The following PKNOX2 variants were observed in gnomAD, a reference collection of about 807,000 sequenced individuals.
PKNOX2 encodes homeobox protein PKNOX2.
Under a neutral mutation model 53.1 loss-of-function variants are expected in PKNOX2, and 14 were observed. The observed-to-expected ratio is 0.26, with a 90% CI of 0.17 to 0.41. PKNOX2 has a LOEUF of 0.41. PKNOX2 is among the 10% of genes least tolerant of loss of function. PKNOX2 has a pLI of 1.00. For missense variants in PKNOX2, 496 were observed against 602.8 expected (o/e 0.82, Z 1.85); for synonymous variants, 257 against 242.8 (o/e 1.06, Z -0.54).
At chr11:125,308,493 C>T (rs565419882) in intron 2 of PKNOX2, among the ~76,000 whole-genome samples, 2 of 152,304 alleles carry the variant, frequency 1.3e-5, no homozygotes, top group South Asian at 4.2e-4. Flanking sequence ...ATGTCATGGC[C>T]ACCATGATCT....
chr11:125,246,986 C>A (rs1943614311), intron 2 of PKNOX2, among the ~76,000 whole-genome samples: 1 of 152,114 alleles, frequency 6.6e-6, no homozygotes, highest in Non-Finnish European at 1.5e-5. Context: ...TTATCCCAGC[C>A]CTTACTTCCT....
intron 1 of PKNOX2, among the ~76,000 whole-genome samples, chr11:125,167,331 G>GCACGAAC (rs1380480187): frequency 1.3e-5 from 2 of 152,198 alleles, no homozygotes; most frequent in Admixed American, 6.5e-5. Context: ...CACGGAAGAC[G>GCACGAAC]CACGACCCAC....
At chr11:125,242,408 C>T (rs1284767570) in intron 2 of PKNOX2, among the ~76,000 whole-genome samples, 1 of 152,140 alleles carries the variant, frequency 6.6e-6, no homozygotes, top group Non-Finnish European at 1.5e-5. Flanking sequence ...TGGGAGTTTG[C>T]CCTACTCTCT....
intron 1 of PKNOX2, among the ~76,000 whole-genome samples, chr11:125,200,620 G>C (rs1938329675): frequency 6.6e-6 from 1 of 152,150 alleles, no homozygotes; most frequent in Non-Finnish European, 1.5e-5. Context: ...CCCTCCGTCT[G>C]TTCTCTACAC....
At chr11:125,223,128 G>A (rs1216570936) in intron 1 of PKNOX2, among the ~76,000 whole-genome samples, 3 of 152,170 alleles carry the variant, frequency 2.0e-5, no homozygotes, top group Admixed American at 2.0e-4. Context: ...GAACATGATT[G>A]AGCCTCATTT....
chr11:125,324,485 G>A (rs1252841606), intron 2 of PKNOX2, among the ~76,000 whole-genome samples: 2 of 152,140 alleles, frequency 1.3e-5, no homozygotes, highest in African/African-American at 4.8e-5. Context: ...TAGGCTCTGG[G>A]GAGCTCTATA....
chr11:125,369,771 C>T (rs1257467837), intron 5 of PKNOX2, among the ~76,000 whole-genome samples: 2 of 152,130 alleles, frequency 1.3e-5, no homozygotes, highest in African/African-American at 4.8e-5. Context: ...GGGCAAGGTG[C>T]AGTGGGCTTG....
intron 10 of PKNOX2, among the ~76,000 whole-genome samples, chr11:125,423,852 C>A (rs1360230166): frequency 6.6e-6 from 1 of 152,118 alleles, no homozygotes; most frequent in Non-Finnish European, 1.5e-5. Flanking sequence ...ACACAGAAAC[C>A]AGAGGGAAAG....
intron 7 of PKNOX2, among the ~76,000 whole-genome samples, chr11:125,403,155 T>G (rs1020596456): frequency 1.3e-5 from 2 of 152,154 alleles, no homozygotes; most frequent in Non-Finnish European, 2.9e-5. Context: ...GCATCCTGCA[T>G]CCATTCAGGC....
At chr11:125,344,976 C>T (rs1565502104) in intron 3 of PKNOX2, among the ~76,000 whole-genome samples, 2 of 152,134 alleles carry the variant, frequency 1.3e-5, no homozygotes, top group Non-Finnish European at 2.9e-5. Context: ...TGTACAAACT[C>T]CCTCCCTGGC....
intron 1 of PKNOX2, among the ~76,000 whole-genome samples, chr11:125,182,620 A>C (rs915597800): frequency 6.6e-6 from 1 of 152,238 alleles, no homozygotes; most frequent in African/African-American, 2.4e-5. Context: ...AGGCTCAGCC[A>C]TCTGAGCCAT....
At chr11:125,295,787 C>T (rs572682448) in intron 2 of PKNOX2, among the ~76,000 whole-genome samples, 5 of 152,300 alleles carry the variant, frequency 3.3e-5, no homozygotes, top group African/African-American at 1.2e-4. Context: ...TAGCCTTTCT[C>T]GTCTGTATCG....
intron 2 of PKNOX2, among the ~76,000 whole-genome samples, chr11:125,280,064 A>G (rs1341464165): frequency 6.6e-6 from 1 of 151,006 alleles, no homozygotes; most frequent in Non-Finnish European, 1.5e-5. Flanking sequence ...AGATACCCAC[A>G]GAAAAAATTT....
At chr11:125,362,238 T>C (rs1045844206) in intron 4 of PKNOX2, among the ~76,000 whole-genome samples, 1 of 152,200 alleles carries the variant, frequency 6.6e-6, no homozygotes, top group African/African-American at 2.4e-5. Flanking sequence ...AGTAATTAAA[T>C]GCTCCAATTC....
chr11:125,231,289 C>A (rs537391361), intron 1 of PKNOX2, among the ~76,000 whole-genome samples: 1 of 152,194 alleles, frequency 6.6e-6, no homozygotes, highest in African/African-American at 2.4e-5. Context: ...GATGCAGAGA[C>A]AAGTTCTATC....
intron 10 of PKNOX2, among the ~76,000 whole-genome samples, chr11:125,418,547 C>T (rs553438605): frequency 5.9e-5 from 9 of 152,108 alleles, no homozygotes; most frequent in South Asian, 2.1e-4. Context: ...CCAGGAACAG[C>T]GGGTGCACTG....
Position 125,358,008 on chromosome 11 carries a change from T to C in PKNOX2, c.87+6616T>C, listed in dbSNP as rs1300428885. 2.0e-5 allele frequency among the ~76,000 whole-genome samples: 3 copies of C among 152,078 alleles called. No homozygotes were observed. The East Asian group carries it at 5.8e-4, about 29-fold the overall frequency. On this transcript the variant is annotated intron_variant, in intron 4 of 12. Coordinates refer to ENST00000298282, the MANE Select transcript of PKNOX2 (RefSeq NM_001382323.2). ...GGAGCTTAGAGTCCATGTGGGGCCT[T>C]AGTTTCTGCATTCATAAAATGAGAA...
intron 1 of PKNOX2, among the ~76,000 whole-genome samples, chr11:125,189,310 G>C (rs937580470): frequency 6.9e-6 from 1 of 145,110 alleles, no homozygotes; most frequent in Admixed American, 6.9e-5. Flanking sequence ...ATGGCCCAGG[G>C]GATAGGAACA....
intron 10 of PKNOX2, among the ~76,000 whole-genome samples, chr11:125,424,082 T>C (rs1197316925): frequency 1.3e-5 from 2 of 151,700 alleles, no homozygotes; most frequent in East Asian, 3.9e-4. Flanking sequence ...AAGAAAGTGG[T>C]TACTGCAAAA....
Sources: gnomAD v4.1 joint callset for allele counts (sites outside exome capture counted in the v4.1 genomes callset) on GRCh38, gnomAD v4.1.1 for gene constraint, MANE v1.5 for transcripts, NCBI Gene and HGNC (gene_info 2026-07-23, HGNC 2026-07-21) for gene names.